Variants in MS4A5 observed in about 807,000 individuals in gnomAD.
MS4A5 encodes membrane spanning 4-domains A5.
In MS4A5, 15 loss-of-function variants were observed where a neutral mutation model predicts 18.2. The ratio of observed to expected loss-of-function variants is 0.83; its 90% CI spans 0.55 to 1.27. The LOEUF is 1.27. MS4A5 is among the 50% of genes most tolerant of loss of function. The probability of loss-of-function intolerance (pLI) is 0.00; values close to 1 mark genes in which losing one functional copy is unlikely to be tolerated. For synonymous variants in MS4A5, 89 were observed against 78.7 expected, an observed-to-expected ratio of 1.13 and a Z score of -0.69; for missense variants, 232 against 225.7, an observed-to-expected ratio of 1.03 and a Z score of -0.18.
intron 4 of MS4A5, among the ~76,000 whole-genome samples, chr11:60,444,958 A>T (rs1018443222): frequency 1.3e-5 from 2 of 152,262 alleles, no homozygotes; most frequent in Non-Finnish European, 2.9e-5. Flanking sequence ...ACTGATAAGG[A>T]ACTCAAATTT....
At chr11:60,434,156 C>A (rs1285992673) in intron 4 of MS4A5, among the ~76,000 whole-genome samples, 1 of 151,368 alleles carries the variant, frequency 6.6e-6, no homozygotes. Context: ...AAAACATACA[C>A]AAATCAGTAT....
intron 4 of MS4A5, among the ~76,000 whole-genome samples, chr11:60,438,651 C>T (rs1342648229): frequency 2.8e-4 from 42 of 152,104 alleles, no homozygotes; most frequent in East Asian, 2.1e-3. Context: ...AACACCTCTA[C>T]GCAAATAAAC....
At chr11:60,441,763 A>T (rs1271851393) in intron 4 of MS4A5, among the ~76,000 whole-genome samples, 1 of 152,096 alleles carries the variant, frequency 6.6e-6, no homozygotes, top group African/African-American at 2.4e-5. Context: ...AAAATTTTAA[A>T]AAAAGATGGT....
intron 4 of MS4A5, among the ~76,000 whole-genome samples, chr11:60,440,056 T>G (rs1393574306): frequency 7.0e-6 from 1 of 142,684 alleles, no homozygotes; most frequent in Non-Finnish European, 1.5e-5. Context: ...CAAAACAGCA[T>G]GGTACTGGTA....
chr11:60,432,869 A>AC (rs2086058599), intron 3 of MS4A5, among the ~76,000 whole-genome samples: 7 of 152,226 alleles, frequency 4.6e-5, no homozygotes, highest in Admixed American at 4.6e-4. Context: ...CCTTGAAAAA[A>AC]ATTTGTAAAA....
intron 4 of MS4A5, among the ~76,000 whole-genome samples, chr11:60,442,214 A>G (rs911486928): frequency 6.6e-6 from 1 of 152,238 alleles, no homozygotes; most frequent in African/African-American, 2.4e-5. Flanking sequence ...ATATGTATTT[A>G]TCATGTATAA....
At chr11:60,443,961 TA>T (rs1235478900) in intron 4 of MS4A5, among the ~76,000 whole-genome samples, 27 of 152,074 alleles carry the variant, frequency 1.8e-4, no homozygotes, top group African/African-American at 6.3e-4. Context: ...TTATATCTAA[TA>T]AAAAATCAAA....
At chr11:60,432,908 A>G (rs535396119) in intron 3 of MS4A5, among the ~76,000 whole-genome samples, 73 of 152,320 alleles carry the variant, frequency 4.8e-4, no homozygotes, top group African/African-American at 1.5e-3. Context: ...TCCACAAACT[A>G]TCAAGTATTA....
chr11:60,435,563 A>C, intron 4 of MS4A5: 2 of 365,324 alleles, frequency 5.5e-6, no homozygotes, highest in Non-Finnish European at 1.1e-5. Context: ...GGCGCAGGTC[A>C]GTGGGTGCGT....
intron 4 of MS4A5, chr11:60,435,442 T>A (rs1387193345): frequency 2.3e-6 from 1 of 436,910 alleles, no homozygotes; most frequent in East Asian, 7.0e-5. Flanking sequence ...GATGGCCAAA[T>A]AGGAACAGCT....
intron 4 of MS4A5, among the ~76,000 whole-genome samples, chr11:60,442,385 C>T (rs1458647713): frequency 6.6e-6 from 1 of 152,158 alleles, no homozygotes; most frequent in African/African-American, 2.4e-5. Context: ...CAAACTAAGA[C>T]AGGAACAGAA....
At chr11:60,435,911 C>T (rs1043820656) in intron 4 of MS4A5, among the ~76,000 whole-genome samples, 2 of 152,228 alleles carry the variant, frequency 1.3e-5, no homozygotes, top group East Asian at 3.8e-4. Context: ...TGGGAAGCTC[C>T]AACTGGGTGG....
At chr11:60,430,758 T>C in intron 1 of MS4A5, 38 bp from the exon 2 acceptor site, 1 of 1,602,734 alleles carries the variant, frequency 6.2e-7, no homozygotes, top group Non-Finnish European at 8.5e-7. Flanking sequence ...AACTATCACT[T>C]TGCTTTTCCT....
chr11:60,433,905 T>A lies in MS4A5; in HGVS notation c.480T>A (p.Thr160=). ...SHQNSQCKAV[T]VLFLGILITL... ...AAAATAGTCAGTGTAAGGCTGTTAC[T>A]GTCCTGTTCTTGGTAAGTATGTTGC... Residue 160 remains threonine (T), a synonymous_variant, in exon 4 of 5, where the codon ACT becomes ACA. Coordinates refer to ENST00000300190, the MANE Select transcript of MS4A5 (RefSeq NM_023945.3). 2 of 1,614,036 alleles carry A rather than the reference T, an allele frequency of 1.2e-6. No homozygotes were observed. Among genetic ancestry groups the A allele is most frequent in the Non-Finnish European group, 1.7e-6 (2 of 1,179,924 alleles).
chr11:60,439,427 C>T (rs2086098675), intron 4 of MS4A5, among the ~76,000 whole-genome samples: 1 of 71,314 alleles, frequency 1.4e-5, no homozygotes. Flanking sequence ...CTGGCCAGGG[C>T]AATTAGGCAG....
intron 4 of MS4A5, among the ~76,000 whole-genome samples, chr11:60,447,302 A>ATGCTG (rs1204552287): frequency 5.1e-5 from 7 of 136,774 alleles, no homozygotes; most frequent in Non-Finnish European, 6.3e-5. Flanking sequence ...ATGCTATCCT[A>ATGCTG]TGCTGTGCTA....
chr11:60,429,774 T>C lies in MS4A5; in HGVS notation c.100T>C (p.Ser34Pro). 1.9e-6 allele frequency: 3 copies of C among 1,614,084 alleles called. No individual in the cohort carries two copies. Among genetic ancestry groups the C allele is most frequent in the Non-Finnish European group, 2.5e-6 (3 of 1,180,002 alleles). Reference protein sequence around the residue: ...ESTELSATTFSTQSPLQKLFA... With the variant: ...ESTELSATTFPTQSPLQKLFA... ...CACAGAACTTTCAGCCACGACCTTT[T>C]CAACTCAAAGCCCCTTGCAAAAATT... Residue 34 changes from serine (S) to proline (P), a missense_variant, in exon 1 of 5, where the codon TCA (serine) becomes CCA (proline). Physicochemically the swap from Ser to Pro is moderately conservative, Grantham distance 74 (BLOSUM62 -1). Transcript: ENST00000300190.
At chr11:60,433,673 T>A in intron 3 of MS4A5, 92 bp from the exon 4 acceptor site, 2 of 1,307,456 alleles carry the variant, frequency 1.5e-6, no homozygotes, top group South Asian at 1.3e-5. Context: ...ATGCTGTGAC[T>A]AAAATCCTGC....
intron 4 of MS4A5, among the ~76,000 whole-genome samples, chr11:60,442,290 C>T (rs1015210145): frequency 1.3e-5 from 2 of 152,138 alleles, no homozygotes; most frequent in Non-Finnish European, 2.9e-5. Flanking sequence ...AAGGCATTAC[C>T]TCCCATAGTT....
Sources: allele counts gnomAD v4.1 joint callset (sites outside exome capture counted in the v4.1 genomes callset), GRCh38; gene constraint gnomAD v4.1.1; transcripts MANE v1.5; gene names NCBI Gene and HGNC (gene_info 2026-07-23, HGNC 2026-07-21).